Variants in RBMS3 observed in about 807,000 individuals in gnomAD.
The protein encoded by RBMS3 is RNA-binding motif, single-stranded-interacting protein 3.
A neutral mutation model predicts 66.8 loss-of-function variants in RBMS3; 27 were observed. The ratio of observed to expected loss-of-function variants is 0.40; its 90% CI spans 0.30 to 0.56. RBMS3 has a LOEUF of 0.56. RBMS3 is among the 20% of genes least tolerant of loss of function. The probability of loss-of-function intolerance (pLI) is 0.40; values close to 1 mark genes in which losing one functional copy is unlikely to be tolerated. For missense variants in RBMS3, 513 were observed against 549.5 expected (o/e 0.93, Z 0.66); for synonymous variants, 188 against 183.0 (o/e 1.03, Z -0.22).
At chr3:29,285,331 C>T (rs1457722005) in intron 1 of RBMS3, among the ~76,000 whole-genome samples, 1 of 151,492 alleles carries the variant, frequency 6.6e-6, no homozygotes, top group African/African-American at 2.4e-5. Flanking sequence ...AAGAAGAAAA[C>T]CTGGTTACAG....
intron 3 of RBMS3, chr3:29,537,605 AC>A: frequency 6.6e-6 from 1 of 152,242 alleles, no homozygotes; most frequent in African/African-American, 2.4e-5. Flanking sequence ...GGGGTGGATC[AC>A]AAGGTCAGGA....
chr3:29,551,629 T>A lies in RBMS3; in HGVS notation c.308-35485T>A, dbSNP rs2046182673. ...AGTGGCAAGTTTTCATTACAGGACATATGTCTTGTTCTTATTGAAATGTGA... is the reference window on the plus strand; with the variant it reads ...AGTGGCAAGTTTTCATTACAGGACAAATGTCTTGTTCTTATTGAAATGTGA... On this transcript the variant is annotated intron_variant, in intron 3 of 14. Transcript: ENST00000383767. Among the ~76,000 whole-genome samples the A allele has an allele frequency of 2.6e-5, 4 of 152,218 alleles. No individual in the cohort carries two copies. In the South Asian group the frequency reaches 8.3e-4, roughly 31 times the overall value.
chr3:29,967,831 T>C (rs1477367595), intron 12 of RBMS3, among the ~76,000 whole-genome samples: 1 of 152,226 alleles, frequency 6.6e-6, no homozygotes, highest in Non-Finnish European at 1.5e-5. Context: ...CATTTCTTAG[T>C]GAGGTTATTT....
chr3:29,812,193 A>G (rs900645519), intron 6 of RBMS3, among the ~76,000 whole-genome samples: 1 of 152,152 alleles, frequency 6.6e-6, no homozygotes, highest in African/African-American at 2.4e-5. Flanking sequence ...TGTTCCAAGA[A>G]TGTGATAAAA....
rs558839351 is a variant in RBMS3, at chr3:29,444,788, C to CTTTTTTT, written c.248+9891_248+9897dup. Among the ~76,000 whole-genome samples, 118 of 50,494 alleles carry CTTTTTTT rather than the reference C, an allele frequency of 2.3e-3. 8 individuals are homozygous for CTTTTTTT. The highest frequency in any genetic ancestry group is 0.011 in the South Asian group (8 of 740). The allele number at this position is 50,494 out of a possible 152,430, so 33.1% of individuals were successfully genotyped here. The stretch of plus-strand genomic sequence containing the variant: ...AATTCTTTCAAGCGGAAATATATGC[C>CTTTTTTT]TTTTTTTTTTTTTTTTTTTTTTTTG... On this transcript the variant is annotated intron_variant, in intron 2 of 14. Coordinates refer to ENST00000383767, the MANE Select transcript of RBMS3 (RefSeq NM_001003793.3).
chr3:29,962,297 A>G (rs888472732), intron 12 of RBMS3, among the ~76,000 whole-genome samples: 1 of 151,454 alleles, frequency 6.6e-6, no homozygotes, highest in Non-Finnish European at 1.5e-5. Context: ...ATGAAATCCA[A>G]TGATCAGTAC....
rs534417175 is a variant in RBMS3, at chr3:29,926,544, G to A, written c.940-9542G>A. ...TGTGGTTTGAGCAATGATTTTCCAG[G>A]CCCATTTGCCAATAGGATCTTACAA... On this transcript the variant is annotated intron_variant, in intron 10 of 14. Transcript: ENST00000383767. Among the ~76,000 whole-genome samples, 3 of 152,218 alleles carry A rather than the reference G, an allele frequency of 2.0e-5. No homozygotes were observed. In the East Asian group the frequency reaches 5.8e-4, roughly 29 times the overall value.
At chr3:29,788,486 A>C (rs1038176513) in intron 6 of RBMS3, among the ~76,000 whole-genome samples, 3 of 152,036 alleles carry the variant, frequency 2.0e-5, no homozygotes, top group Admixed American at 6.6e-5. Context: ...CAGCCTCCCA[A>C]AGTGCAGGGA....
At chr3:29,892,130 G>T (rs2060015289) in intron 8 of RBMS3, among the ~76,000 whole-genome samples, 1 of 151,520 alleles carries the variant, frequency 6.6e-6, no homozygotes, top group African/African-American at 2.4e-5. Flanking sequence ...TAGTGACCTA[G>T]ATTTGCATTT....
At chr3:29,288,742 T>C (rs1053773891) in intron 1 of RBMS3, among the ~76,000 whole-genome samples, 8 of 151,906 alleles carry the variant, frequency 5.3e-5, no homozygotes, top group African/African-American at 1.9e-4. Context: ...TGAAATATTA[T>C]TTCGACTGAA....
intron 1 of RBMS3, among the ~76,000 whole-genome samples, chr3:29,321,744 A>G (rs1270969388): frequency 6.6e-6 from 1 of 152,102 alleles, no homozygotes; most frequent in Non-Finnish European, 1.5e-5. Flanking sequence ...CCAAAAATGA[A>G]AGCAATTTGT....
intron 4 of RBMS3, among the ~76,000 whole-genome samples, chr3:29,600,462 T>G (rs1475271266): frequency 6.6e-6 from 1 of 152,004 alleles, no homozygotes. Flanking sequence ...CTTTCTGTCT[T>G]GAGTGGAGGC....
intron 3 of RBMS3, among the ~76,000 whole-genome samples, chr3:29,507,791 C>A (rs1045141831): frequency 5.3e-5 from 8 of 151,974 alleles, no homozygotes; most frequent in Non-Finnish European, 1.0e-4. Flanking sequence ...AAACATAATG[C>A]ATTTAGAAGG....
intron 6 of RBMS3, among the ~76,000 whole-genome samples, chr3:29,856,721 G>C (rs970373199): frequency 6.6e-6 from 1 of 152,042 alleles, no homozygotes; most frequent in African/African-American, 2.4e-5. Context: ...AGCACAGAAG[G>C]GTGGGTATTG....
Position 30,005,304 on chromosome 3 carries a change from TCTGGATATGAA to T in RBMS3, c.*1446_*1456del, listed in dbSNP as rs896398821. 4.0e-5 allele frequency: 6 copies of T among 151,766 alleles called. No individual in the cohort carries two copies. Among genetic ancestry groups the T allele is most frequent in the Admixed American group, 3.9e-4 (6 of 15,210 alleles). The allele number at this position is 151,766 out of a possible 1,614,324, so 9.4% of individuals were successfully genotyped here. A position where few individuals can be genotyped will look rare whatever the true frequency, so the allele number is the denominator to read the frequency against. ...GTTTAGCAGTTTCAGCATGAAGAGT[TCTGGATATGAA>T]CTGATTCATAGAGCCAAGTGGCTTT... is the stretch of plus-strand genomic sequence containing the variant. On this transcript the variant is annotated 3_prime_UTR_variant, in exon 15 of 15. Coordinates refer to ENST00000383767, the MANE Select transcript of RBMS3 (RefSeq NM_001003793.3).
intron 2 of RBMS3, among the ~76,000 whole-genome samples, chr3:29,442,445 C>G (rs1212634709): frequency 6.6e-6 from 1 of 151,970 alleles, no homozygotes; most frequent in Non-Finnish European, 1.5e-5. Context: ...TTTTCCATAT[C>G]TATCTTTGGA....
At chr3:29,339,741 A>G (rs1404929089) in intron 1 of RBMS3, among the ~76,000 whole-genome samples, 3 of 152,138 alleles carry the variant, frequency 2.0e-5, no homozygotes, top group Admixed American at 6.6e-5. Context: ...CAAGTCTCAG[A>G]AGTTATGTTA....
At chr3:29,320,837 T>G (rs905226576) in intron 1 of RBMS3, among the ~76,000 whole-genome samples, 2 of 152,078 alleles carry the variant, frequency 1.3e-5, no homozygotes, top group Middle Eastern at 3.4e-3. Context: ...AAAGGTCAGT[T>G]AAATATAATG....
At chr3:29,801,384 C>T (rs1288675753) in intron 6 of RBMS3, among the ~76,000 whole-genome samples, 1 of 151,154 alleles carries the variant, frequency 6.6e-6, no homozygotes, top group Non-Finnish European at 1.5e-5. Flanking sequence ...TCTCCTGCCT[C>T]AGCCTCCTGA....
Sources: allele counts gnomAD v4.1 joint callset (sites outside exome capture counted in the v4.1 genomes callset), GRCh38; gene constraint gnomAD v4.1.1; transcripts MANE v1.5; gene names NCBI Gene and HGNC (gene_info 2026-07-23, HGNC 2026-07-21).